MON2: variants seen among roughly 807,000 people sequenced by gnomAD.
MON2 encodes protein MON2 homolog.
MON2 carries 84 observed loss-of-function variants against 208.6 expected under a neutral mutation model. The ratio of observed to expected loss-of-function variants is 0.40; its 90% CI spans 0.34 to 0.48. The LOEUF (loss-of-function observed/expected upper bound fraction) is 0.48, where lower values mean the gene tolerates loss of function less well. MON2 is among the 20% of genes least tolerant of loss of function. The pLI is 0.59. For missense variants in MON2, 1,611 were observed against 2,015.4 expected (o/e 0.80, Z 3.84); for synonymous variants, 660 against 694.0 (o/e 0.95, Z 0.77).
At chr12:62,552,567 G>C (rs1279186550) in intron 23 of MON2, among the ~76,000 whole-genome samples, 1 of 151,488 alleles carries the variant, frequency 6.6e-6, no homozygotes, top group Non-Finnish European at 1.5e-5. Flanking sequence ...GTTATATTTA[G>C]GTGGTAGATA....
chr12:62,507,462 G>A (rs2071165227), intron 7 of MON2, among the ~76,000 whole-genome samples: 1 of 151,620 alleles, frequency 6.6e-6, no homozygotes, highest in African/African-American at 2.4e-5. Context: ...GACCGCAGGA[G>A]GCACCACTAT....
intron 11 of MON2, among the ~76,000 whole-genome samples, chr12:62,530,602 A>G (rs1242050682): frequency 1.4e-4 from 22 of 152,158 alleles, no homozygotes; most frequent in Admixed American, 1.4e-3. Flanking sequence ...TGTCTGAATG[A>G]TATTCCAATA....
chr12:62,541,094 C>CT (rs1389971511), intron 19 of MON2, among the ~76,000 whole-genome samples: 3 of 152,076 alleles, frequency 2.0e-5, no homozygotes, highest in African/African-American at 7.2e-5. Flanking sequence ...TAAGATAAAG[C>CT]TTGCAGGCTG....
intron 11 of MON2, among the ~76,000 whole-genome samples, chr12:62,530,605 T>C (rs1351476802): frequency 1.3e-5 from 2 of 152,234 alleles, no homozygotes; most frequent in African/African-American, 4.8e-5. Context: ...CTGAATGATA[T>C]TCCAATATAT....
chr12:62,592,641 C>T lies in MON2; in HGVS notation c.5046C>T (p.Cys1682=), dbSNP rs753579524. ...VIALYPTLVE[C]ITCSSSEVCS... ...CCTTATACCCAACTTTAGTAGAATG[C>T]ATCACCTGTTCTTCTTCAGAAGTCT... The change falls in exon 35 of 35, where the codon TGC becomes TGT. Residue 1682 remains cysteine, a synonymous_variant. Coordinates refer to ENST00000393630, the MANE Select transcript of MON2 (RefSeq NM_015026.3). 3 of 1,611,944 alleles carry T rather than the reference C, an allele frequency of 1.9e-6. No homozygotes were observed. The highest frequency in any genetic ancestry group is 2.2e-5 in the East Asian group (1 of 44,832).
At chr12:62,542,578 G>C (rs968364680) in intron 19 of MON2, among the ~76,000 whole-genome samples, 2 of 152,084 alleles carry the variant, frequency 1.3e-5, no homozygotes, top group Non-Finnish European at 2.9e-5. Context: ...AATGTACCCT[G>C]GTTCCCTTTC....
chr12:62,503,172 T>C (rs912584068), intron 7 of MON2, among the ~76,000 whole-genome samples: 1 of 152,230 alleles, frequency 6.6e-6, no homozygotes, highest in Non-Finnish European at 1.5e-5. Context: ...ATGCCTGAGA[T>C]ACCAGTTATC....
chr12:62,534,539 AAAAATATATATATAT>A (rs1422252034), intron 12 of MON2, among the ~76,000 whole-genome samples: 3 of 22,970 alleles, frequency 1.3e-4, no homozygotes, highest in African/African-American at 5.5e-4. Context: ...AAAAAAAAAA[AAAAATATATATATAT>A]ATATATATAT....
At chr12:62,571,346 G>A (rs374846242) in intron 29 of MON2, 46 bp from the exon 30 acceptor site, 9 of 1,299,568 alleles carry the variant, frequency 6.9e-6, no homozygotes, top group Admixed American at 2.5e-5. Context: ...AAAATTGTGT[G>A]TGTATGTTTT....
chr12:62,504,832 A>G (rs184428570), intron 7 of MON2, among the ~76,000 whole-genome samples: 88 of 152,358 alleles, frequency 5.8e-4, no homozygotes, highest in African/African-American at 2.0e-3. Context: ...AACTGAGTTG[A>G]TAAGGCTTGA....
chr12:62,593,386 T>G lies in MON2; in HGVS notation c.*637T>G, dbSNP rs2075454573. On this transcript the variant is annotated 3_prime_UTR_variant, in exon 35 of 35. Transcript: ENST00000393630. ...TTACATTTTTACTTATAATTTGCCT[T>G]CATATGTGGCGGATAAGCTCACCAT... The G allele has an allele frequency of 6.6e-6, 1 of 152,482 alleles. No homozygotes were observed. The highest frequency in any genetic ancestry group is 2.4e-5 in the African/African-American group (1 of 41,458). 9.4% of individuals were successfully genotyped at this position (152,482 alleles called of 1,614,324 possible). A position where few individuals can be genotyped will look rare whatever the true frequency, so the allele number is the denominator to read the frequency against.
At chr12:62,524,696 A>C in intron 9 of MON2, 57 bp downstream of exon 9, 1 of 1,520,838 alleles carries the variant, frequency 6.6e-7, no homozygotes, top group Non-Finnish European at 9.0e-7. Flanking sequence ...TAACCTGTAA[A>C]CTAACCTATA....
At chr12:62,484,915 C>CTTTTTTTTTTTTTTT (rs71084000) in intron 2 of MON2, 1 of 132,550 alleles carries the variant, frequency 7.5e-6, no homozygotes. Flanking sequence ...GGTAAACTGG[C>CTTTTTTTTTTTTTTT]TTTTTTTTTT....
intron 2 of MON2, among the ~76,000 whole-genome samples, chr12:62,487,609 T>C (rs2136019008): frequency 6.6e-6 from 1 of 151,998 alleles, no homozygotes; most frequent in East Asian, 1.9e-4. Flanking sequence ...AATGAGTAAA[T>C]ATACTTTGGA....
rs2136083323 is a variant in MON2, at chr12:62,501,621, A to G, written c.712A>G (p.Met238Val). 6.2e-7 allele frequency: 1 copy of G among 1,614,094 alleles called. No homozygotes were observed. Among genetic ancestry groups the G allele is most frequent in the East Asian group, 2.2e-5 (1 of 44,884 alleles). The part of the protein sequence containing the change: ...NADAPYWLVG[M>V]TEMTRTFGLE... ...TGATGCTCCTTATTGGCTAGTGGGC[A>G]TGACAGAAATGACTCGGACGTTTGG... The change falls in exon 7 of 35, where the codon ATG becomes GTG. Residue 238 changes from methionine (M) to valine (V), a missense_variant. By Grantham distance (21) the Met-to-Val change is conservative. Coordinates refer to ENST00000393630, the MANE Select transcript of MON2 (RefSeq NM_015026.3).
chr12:62,528,432 G>A (rs1279183582), intron 11 of MON2, among the ~76,000 whole-genome samples: 1 of 152,166 alleles, frequency 6.6e-6, no homozygotes, highest in African/African-American at 2.4e-5. Context: ...ACTTGTGACA[G>A]TTTTTGCAAT....
chr12:62,534,542 A>AAAAAATATATATATATATATAT (rs1555169522), intron 12 of MON2, among the ~76,000 whole-genome samples: 1 of 22,842 alleles, frequency 4.4e-5, no homozygotes, highest in Admixed American at 7.4e-4. Flanking sequence ...AAAAAAAAAA[A>AAAAAATATATATATATATATAT]ATATATATAT....
intron 8 of MON2, among the ~76,000 whole-genome samples, chr12:62,515,112 A>G (rs1004527838): frequency 1.3e-5 from 2 of 152,246 alleles, no homozygotes; most frequent in Non-Finnish European, 2.9e-5. Context: ...GAATTACCAT[A>G]TGACCCAGCA....
At chr12:62,473,332 TGGAA>T (rs2068889387) in intron 1 of MON2, among the ~76,000 whole-genome samples, 2 of 152,106 alleles carry the variant, frequency 1.3e-5, no homozygotes, top group Non-Finnish European at 2.9e-5. Flanking sequence ...GTGGAAATGG[TGGAA>T]ATGGTATGTG....
Sources: allele counts gnomAD v4.1 joint callset (sites outside exome capture counted in the v4.1 genomes callset), GRCh38; gene constraint gnomAD v4.1.1; transcripts MANE v1.5; gene names NCBI Gene and HGNC (gene_info 2026-07-23, HGNC 2026-07-21).